TENT5D: variants seen among roughly 807,000 people sequenced by gnomAD.
The protein encoded by TENT5D is terminal nucleotidyltransferase 5D.
For synonymous variants in TENT5D, 103 were observed against 100.6 expected (o/e 1.02, Z -0.15); for missense variants, 191 against 287.0 (o/e 0.67, Z 2.42).
rs901330887 is a variant in TENT5D at position 80,385,233 on chromosome X, G to A, written c.-142+42669G>A. ...TGGTATCAAAACAGAGATATAGACCGATGGAAAAGAACAGAGCCCTCAGAA... is the reference window on the plus strand; with the variant it reads ...TGGTATCAAAACAGAGATATAGACCAATGGAAAAGAACAGAGCCCTCAGAA... On this transcript the variant is annotated intron_variant, in intron 3 of 4. Transcript: ENST00000538312. Among the ~76,000 whole-genome samples the A allele has an allele frequency of 1.4e-3, 160 of 111,100 alleles. 2 individuals carry two copies. The highest frequency in any genetic ancestry group is 4.7e-3 in the Admixed American group (49 of 10,450).
intron 3 of TENT5D, among the ~76,000 whole-genome samples, chrX:80,386,362 C>T (rs1931007210): frequency 9.1e-6 from 1 of 110,263 alleles, no homozygotes; most frequent in South Asian, 3.9e-4. Context: ...ACAATGAGAA[C>T]CCTTGGACAC....
intron 3 of TENT5D, among the ~76,000 whole-genome samples, chrX:80,409,027 A>G (rs1239777220): frequency 2.7e-5 from 3 of 110,616 alleles, no homozygotes; most frequent in African/African-American, 6.6e-5. Flanking sequence ...ATGCAGAAAA[A>G]GCCTTTGACA....
chrX:80,427,278 G>A (rs1043380042), intron 1 of TENT5D, among the ~76,000 whole-genome samples: 10 of 27,798 alleles, frequency 3.6e-4, no homozygotes, highest in African/African-American at 1.2e-3. Context: ...AGCATAATTA[G>A]AGGCATATGG....
chrX:80,343,207 C>A (rs1240911557), intron 3 of TENT5D, among the ~76,000 whole-genome samples: 2 of 110,906 alleles, frequency 1.8e-5, no homozygotes, highest in African/African-American at 6.6e-5. Context: ...TTGCTAGAAA[C>A]CTATTAACTT....
intron 3 of TENT5D, among the ~76,000 whole-genome samples, chrX:80,399,974 A>T (rs1031127296): frequency 3.6e-5 from 4 of 111,269 alleles, no homozygotes; most frequent in African/African-American, 1.3e-4. Context: ...TTGGGAGGGA[A>T]TATATTAGGG....
intron 3 of TENT5D, among the ~76,000 whole-genome samples, chrX:80,392,019 C>T (rs1233320274): frequency 3.6e-5 from 4 of 112,259 alleles, no homozygotes; most frequent in Non-Finnish European, 5.6e-5. Flanking sequence ...TTTTATCATG[C>T]TTCTACCACT....
chrX:80,409,802 C>G (rs1931602076), intron 3 of TENT5D, among the ~76,000 whole-genome samples: 2 of 102,554 alleles, frequency 2.0e-5, no homozygotes, highest in South Asian at 9.7e-4. Flanking sequence ...AATCCTAAGC[C>G]AAAAGAACAA....
At chrX:80,368,848 T>A (rs1930562153) in intron 3 of TENT5D, among the ~76,000 whole-genome samples, 1 of 112,156 alleles carries the variant, frequency 8.9e-6, no homozygotes, top group South Asian at 3.7e-4. Context: ...GTGTTTAAAA[T>A]AGCTCCTCAT....
intron 3 of TENT5D, among the ~76,000 whole-genome samples, chrX:80,405,313 G>C (rs894365429): frequency 1.5e-4 from 17 of 112,576 alleles, no homozygotes; most frequent in Non-Finnish European, 2.6e-4. Context: ...CACAGAAGAC[G>C]GGTGATTTCT....
At position 80,401,893 on chromosome X, in the gene TENT5D, G is replaced by A. The variant is rs951378264; in HGVS notation, c.-141-36717G>A. On this transcript the variant is annotated intron_variant, in intron 3 of 4. Coordinates refer to the TENT5D transcript ENST00000538312. ...CTTGTGACATTCTTCATTTGGCATT[G>A]GCATCAGGATAATTCTGGCCTTATA... Among the ~76,000 whole-genome samples, 3 of 111,819 alleles carry A rather than the reference G, an allele frequency of 2.7e-5. No individual in the cohort carries two copies. The East Asian group carries it at 8.4e-4, about 31-fold the overall frequency.
chrX:80,379,230 G>A (rs1481490619), intron 3 of TENT5D, among the ~76,000 whole-genome samples: 1 of 107,115 alleles, frequency 9.3e-6, no homozygotes, highest in East Asian at 3.0e-4. Flanking sequence ...CTTTGGTTCT[G>A]TATATATGAT....
chrX:80,423,616 C>T (rs1931929897), intron 1 of TENT5D, among the ~76,000 whole-genome samples: 1 of 110,262 alleles, frequency 9.1e-6, no homozygotes, highest in Non-Finnish European at 1.9e-5. Context: ...GAAGTGAAAG[C>T]TTGGCCAAAG....
chrX:80,360,105 G>A (rs1930374284), intron 3 of TENT5D, among the ~76,000 whole-genome samples: 1 of 111,671 alleles, frequency 9.0e-6, no homozygotes, highest in African/African-American at 3.3e-5. Flanking sequence ...TCAGTTTATA[G>A]CTTTTCCTGT....
chrX:80,400,961 T>G (rs1931379737), intron 3 of TENT5D, among the ~76,000 whole-genome samples: 1 of 111,857 alleles, frequency 8.9e-6, no homozygotes, highest in African/African-American at 3.2e-5. Flanking sequence ...AAAGTGACAT[T>G]GGACTTTTTA....
intron 3 of TENT5D, among the ~76,000 whole-genome samples, chrX:80,382,288 CTGCAGAATAGCAAATAT>C (rs1007989727): frequency 8.9e-6 from 1 of 112,098 alleles, no homozygotes; most frequent in Non-Finnish European, 1.9e-5. Context: ...CCAACAGAGG[CTGCAGAATAGCAAATAT>C]TGCAGAACAG....
intron 3 of TENT5D, among the ~76,000 whole-genome samples, chrX:80,406,076 CA>C (rs1457387696): frequency 1.5e-4 from 16 of 109,523 alleles, no homozygotes; most frequent in Admixed American, 1.3e-3. Context: ...ACAGAAAGGA[CA>C]TCCACACCAA....
At chrX:80,434,510 C>A (rs1329199684) in intron 1 of TENT5D, among the ~76,000 whole-genome samples, 1 of 111,585 alleles carries the variant, frequency 9.0e-6, no homozygotes, top group East Asian at 2.8e-4. Context: ...TTTCAAGCTT[C>A]ACAATTATCT....
intron 2 of TENT5D, 111 bp from the exon 3 acceptor site, chrX:80,442,411 T>A (rs1225516113): frequency 6.2e-6 from 3 of 481,533 alleles, no homozygotes; most frequent in Non-Finnish European, 1.0e-5. Context: ...TCCTCCCTAG[T>A]ATTATCATGG....
chrX:80,382,176 C>T (rs1188604652), intron 3 of TENT5D, among the ~76,000 whole-genome samples: 1 of 111,906 alleles, frequency 8.9e-6, no homozygotes, highest in Non-Finnish European at 1.9e-5. Flanking sequence ...GATGCTATTC[C>T]TTTCTGTTTG....
Sources: gnomAD v4.1 joint callset for allele counts (sites outside exome capture counted in the v4.1 genomes callset) on GRCh38, gnomAD v4.1.1 for gene constraint, MANE v1.5 for transcripts, NCBI Gene and HGNC (gene_info 2026-07-23, HGNC 2026-07-21) for gene names.